The following LRRN4CL variants were observed in gnomAD, a reference collection of about 807,000 sequenced individuals.
LRRN4CL encodes the protein LRRN4 C-terminal like.
For missense variants in LRRN4CL, 348 were observed against 336.4 expected, an observed-to-expected ratio of 1.03 and a Z score of -0.27; for synonymous variants, 156 against 154.1, an observed-to-expected ratio of 1.01 and a Z score of -0.09.
At position 62,687,790 on chromosome 11, in the gene LRRN4CL, T is replaced by C. The variant is rs1945214133; in HGVS notation, c.*2A>G. ...TGTGCCCGAGATGCCCCCAGGCCCC[T>C]TTCAGAGCGCCCCTGCGGCTCGGGC... is the stretch of plus-strand genomic sequence containing the variant. On this transcript the variant is annotated 3_prime_UTR_variant, in exon 2 of 2. Coordinates refer to ENST00000317449, the MANE Select transcript of LRRN4CL (RefSeq NM_203422.4). The C allele has an allele frequency of 7.2e-7, 1 of 1,392,288 alleles. No individual in the cohort carries two copies. Among genetic ancestry groups the C allele is most frequent in the Middle Eastern group, 2.6e-4 (1 of 3,828 alleles). The allele number at this position is 1,392,288 out of a possible 1,614,324, so 86.2% of individuals were successfully genotyped here.
chr11:62,689,097 G>A (rs1945241829), intron 1 of LRRN4CL, among the ~76,000 whole-genome samples: 2 of 152,116 alleles, frequency 1.3e-5, no homozygotes, highest in South Asian at 4.2e-4. Context: ...CTGCTACTCA[G>A]GAGGATCACT....
rs1349034140 is a variant in LRRN4CL at position 62,687,890 on chromosome 11, C to A, written c.619G>T (p.Ala207Ser). 47 of 1,485,976 alleles carry A rather than the reference C, an allele frequency of 3.2e-5. No homozygotes were observed. The highest frequency in any genetic ancestry group is 4.2e-5 in the Non-Finnish European group (47 of 1,120,848). 92.0% of individuals were successfully genotyped at this position (1,485,976 alleles called of 1,614,324 possible). A position where few individuals can be genotyped will look rare whatever the true frequency, so the allele number is the denominator to read the frequency against. The change falls in exon 2 of 2, where the codon GCC (alanine) becomes TCC (serine). Residue 207 changes from alanine (A) to serine (S), a missense_variant. Physicochemically the swap from Ala to Ser is moderately conservative, Grantham distance 99. Transcript: ENST00000317449. The part of the protein sequence containing the change: ...HAAVGVGTAL[A>S]LLSCAALVWH... ...ACCAGGGCGGCACAGCTTAGCAGGG[C>A]CAGGGCCGTGCCCACCCCGACGGCC...
At chr11:62,688,907 G>A (rs186670669) in intron 1 of LRRN4CL, among the ~76,000 whole-genome samples, 2 of 152,236 alleles carry the variant, frequency 1.3e-5, no homozygotes, top group Admixed American at 1.3e-4. Flanking sequence ...CGGGCCCCTA[G>A]GCTGATGCCT....
In LRRN4CL at chr11:62,688,334, G is replaced by T; in HGVS notation, c.175C>A (p.Pro59Thr). ...DYDHCRHLQVPCKELQRVGPA... is the reference protein window; with the variant it reads ...DYDHCRHLQVTCKELQRVGPA... ...CCGACCCTCTGTAGCTCCTTGCAGG[G>T]CACCTGCAGGTGTCGGCAGTGGTCG... Residue 59 changes from proline (P) to threonine (T), a missense_variant, in exon 2 of 2, where the codon CCC becomes ACC. Transcript: ENST00000317449. 1 of 1,609,248 alleles carries T rather than the reference G, an allele frequency of 6.2e-7. No individual in the cohort carries two copies.
chr11:62,688,380 C>T lies in LRRN4CL; in HGVS notation c.129G>A (p.Leu43=), dbSNP rs1377340831. 9 of 1,605,594 alleles carry T rather than the reference C, an allele frequency of 5.6e-6. No individual in the cohort carries two copies. Among genetic ancestry groups the T allele is most frequent in the Non-Finnish European group, 5.9e-6 (7 of 1,179,996 alleles). The stretch of plus-strand genomic sequence containing the variant: ...GGTCGTAGTCGCAGGGGACAGCCGG[C>T]AAAGGCGGCCACGCCGTCTCAGTCT... The part of the protein sequence containing the change: ...ADETETAWPP[L]PAVPCDYDHC... Residue 43 remains leucine, a synonymous_variant, in exon 2 of 2, where the codon TTG becomes TTA. Coordinates refer to ENST00000317449, the MANE Select transcript of LRRN4CL (RefSeq NM_203422.4).
rs1164688366 is a variant in LRRN4CL, at chr11:62,687,119, A to G, written c.*673T>C. 1 of 152,100 alleles carries G rather than the reference A, an allele frequency of 6.6e-6. No individual in the cohort carries two copies. The highest frequency in any genetic ancestry group is 1.5e-5 in the Non-Finnish European group (1 of 68,014). The allele number at this position is 152,100 out of a possible 1,614,324, so 9.4% of individuals were successfully genotyped here. On this transcript the variant is annotated 3_prime_UTR_variant, in exon 2 of 2. Coordinates refer to ENST00000317449, the MANE Select transcript of LRRN4CL (RefSeq NM_203422.4). ...CATGGTGAAACCCCGTCTCTACTAA[A>G]AAAACACAAAAATTAGCCGGGCATG...
Position 62,686,956 on chromosome 11 carries a change from A to G in LRRN4CL, c.*836T>C, listed in dbSNP as rs1057371259. 6.7e-6 allele frequency: 1 copy of G among 150,358 alleles called. No individual in the cohort carries two copies. The highest frequency in any genetic ancestry group is 6.7e-5 in the Admixed American group (1 of 15,026). 9.3% of individuals were successfully genotyped at this position (150,358 alleles called of 1,614,324 possible). A position where few individuals can be genotyped will look rare whatever the true frequency, so the allele number is the denominator to read the frequency against. On this transcript the variant is annotated 3_prime_UTR_variant, in exon 2 of 2. Transcript: ENST00000317449. The stretch of plus-strand genomic sequence containing the variant: ...AGTGCTGGGATTACAGGCGTGAGCC[A>G]CCGCGCCCGGCCGGGTTTTACATCT...
Position 62,688,058 on chromosome 11 carries a change from C to A in LRRN4CL, c.451G>T (p.Val151Phe). The A allele has an allele frequency of 6.2e-7, 1 of 1,612,656 alleles. No individual in the cohort carries two copies. ...GCCTCGTTAGCGGCCACTACGCAAA[C>A]GACATAAATGCCCCCTGGCTTCAGC... The part of the protein sequence containing the change: ...KGLKPGGIYV[V>F]CVVAANEAGA... The change falls in exon 2 of 2, where the codon GTT becomes TTT. Residue 151 changes from valine (V) to phenylalanine (F), a missense_variant. Physicochemically the swap from Val to Phe is conservative, Grantham distance 50 (BLOSUM62 -1). Transcript: ENST00000317449.
Position 62,687,777 on chromosome 11 carries a change from G to A in LRRN4CL, c.*15C>T, listed in dbSNP as rs1030987801. 1 of 1,368,238 alleles carries A rather than the reference G, an allele frequency of 7.3e-7. No homozygotes were observed. The highest frequency in any genetic ancestry group is 1.8e-5 in the South Asian group (1 of 56,272). The allele number at this position is 1,368,238 out of a possible 1,614,324, so 84.8% of individuals were successfully genotyped here. On this transcript the variant is annotated 3_prime_UTR_variant, in exon 2 of 2. Transcript: ENST00000317449. Reference sequence around the variant, plus strand: ...AGGTGGGGCTGTCTGTGCCCGAGATGCCCCCAGGCCCCTTTCAGAGCGCCC... The same window carrying A: ...AGGTGGGGCTGTCTGTGCCCGAGATACCCCCAGGCCCCTTTCAGAGCGCCC...
chr11:62,687,819 G>A lies in LRRN4CL; in HGVS notation c.690C>T (p.Ala230=). Residue 230 remains alanine (A), a synonymous_variant, in exon 2 of 2, where the codon GCC becomes GCT. Coordinates refer to ENST00000317449, the MANE Select transcript of LRRN4CL (RefSeq NM_203422.4). ...LRDRWGCPRR[A]AARAAGAL is the part of the protein sequence containing the mutation. Reference sequence around the variant, plus strand: ...AGAGCGCCCCTGCGGCTCGGGCGGCGGCTCGGCGCGGGCAGCCCCAGCGAT... The same window carrying A: ...AGAGCGCCCCTGCGGCTCGGGCGGCAGCTCGGCGCGGGCAGCCCCAGCGAT... The A allele has an allele frequency of 7.2e-7, 1 of 1,392,642 alleles. No homozygotes were observed. The highest frequency in any genetic ancestry group is 9.2e-7 in the Non-Finnish European group (1 of 1,084,134). 86.3% of individuals were successfully genotyped at this position (1,392,642 alleles called of 1,614,324 possible).
Position 62,688,121 on chromosome 11 carries a change from G to T in LRRN4CL, c.388C>A (p.Pro130Thr), listed in dbSNP as rs534343152. The T allele has an allele frequency of 4.3e-6, 7 of 1,612,478 alleles. No homozygotes were observed. The South Asian group carries it at 5.5e-5, about 13-fold the overall frequency. ...GCTCTGCGGACCGTAGCGTTCAGCG[G>T]GGGCCCCTTCTGCGCAGCCTCGCTG... ...DGSEAAQKGP[P>T]LNATVRRAEL... Residue 130 changes from proline to threonine, a missense_variant, in exon 2 of 2, where the codon CCG (proline) becomes ACG (threonine). Physicochemically the swap from Pro to Thr is conservative, Grantham distance 38. Coordinates refer to ENST00000317449, the MANE Select transcript of LRRN4CL (RefSeq NM_203422.4).
rs151072274 is a variant in LRRN4CL, at chr11:62,687,992, C to A, written c.517G>T (p.Glu173Ter). The A allele has an allele frequency of 1.4e-5, 22 of 1,609,794 alleles. No individual in the cohort carries two copies. The African/African-American group carries it at 2.5e-4, about 19-fold the overall frequency. The part of the protein sequence containing the change: ...RVPQAGGEGL[E>*]GADIPAFGPC... ...CCGAAGGCAGGGATGTCGGCCCCCT[C>A]GAGGCCCTCTCCTCCAGCCTGGGGC... Residue 173 changes from glutamate (E) to a stop codon, truncating the protein, a stop_gained, in exon 2 of 2, where the codon GAG becomes TAG. Transcript: ENST00000317449. LOFTEE classifies it low-confidence loss of function (END_TRUNC).
rs968293851 is a variant in LRRN4CL, at chr11:62,687,502, C to A, written c.*290G>T. On this transcript the variant is annotated 3_prime_UTR_variant, in exon 2 of 2. Coordinates refer to ENST00000317449, the MANE Select transcript of LRRN4CL (RefSeq NM_203422.4). ...ACATAATAATATCCTCCATTTTATCCTCTTAAACCGCAAAGGTTACATTAT... is the reference window on the plus strand; with the variant it reads ...ACATAATAATATCCTCCATTTTATCATCTTAAACCGCAAAGGTTACATTAT... 1.9e-5 allele frequency: 7 copies of A among 371,956 alleles called. No individual in the cohort carries two copies. The highest frequency in any genetic ancestry group is 6.6e-4 in the Middle Eastern group (1 of 1,516). The allele number at this position is 371,956 out of a possible 1,614,324, so 23.0% of individuals were successfully genotyped here. A position where few individuals can be genotyped will look rare whatever the true frequency, so the allele number is the denominator to read the frequency against.
Position 62,687,555 on chromosome 11 carries a change from TGGG to T in LRRN4CL, c.*234_*236del. ...ATTATCTGGCCGCTTAAAAAAAAAT[TGGG>T]GGCCCCTTTCTATTCCTTCCCAGAC... is the stretch of plus-strand genomic sequence containing the variant. On this transcript the variant is annotated 3_prime_UTR_variant, in exon 2 of 2. Coordinates refer to ENST00000317449, the MANE Select transcript of LRRN4CL (RefSeq NM_203422.4). The T allele has an allele frequency of 2.5e-6, 1 of 401,342 alleles. No homozygotes were observed. Among genetic ancestry groups the T allele is most frequent in the Non-Finnish European group, 4.4e-6 (1 of 229,506 alleles). The allele number at this position is 401,342 out of a possible 1,614,324, so 24.9% of individuals were successfully genotyped here.
chr11:62,688,301 C>A lies in LRRN4CL; in HGVS notation c.208G>T (p.Ala70Ser). Residue 70 changes from alanine to serine, a missense_variant, in exon 2 of 2, where the codon GCC (alanine) becomes TCC (serine). Physicochemically the swap from Ala to Ser is moderately conservative, Grantham distance 99. Transcript: ENST00000317449. ...CKELQRVGPA[A>S]CLCPGLSSPA... is the part of the protein sequence containing the mutation. ...CTGGAGAGTCCTGGGCACAGGCAGG[C>A]CGCCGGCCCGACCCTCTGTAGCTCC... The A allele has an allele frequency of 6.2e-7, 1 of 1,608,344 alleles. No individual in the cohort carries two copies. The highest frequency in any genetic ancestry group is 2.2e-5 in the East Asian group (1 of 44,774).
At position 62,687,457 on chromosome 11, in the gene LRRN4CL, C is replaced by A; in HGVS notation, c.*335G>T. The stretch of plus-strand genomic sequence containing the variant: ...TCGTTTTTACATTTTTAAATGGTTA[C>A]AAAGGTCATATAAATACCCACATAA... On this transcript the variant is annotated 3_prime_UTR_variant, in exon 2 of 2. Coordinates refer to ENST00000317449, the MANE Select transcript of LRRN4CL (RefSeq NM_203422.4). The A allele has an allele frequency of 5.7e-5, 15 of 265,364 alleles. No individual in the cohort carries two copies. Among genetic ancestry groups the A allele is most frequent in the East Asian group, 6.4e-5 (1 of 15,600 alleles). The allele number at this position is 265,364 out of a possible 1,614,324, so 16.4% of individuals were successfully genotyped here.
At position 62,688,127 on chromosome 11, in the gene LRRN4CL, C is replaced by T. The variant is rs760408247; in HGVS notation, c.382G>A (p.Gly128Arg). 3 of 1,612,322 alleles carry T rather than the reference C, an allele frequency of 1.9e-6. No homozygotes were observed. In the African/African-American group the frequency reaches 4.0e-5, roughly 22 times the overall value. Residue 128 changes from glycine to arginine, a missense_variant, in exon 2 of 2, where the codon GGG (glycine) becomes AGG (arginine). By Grantham distance (125) the Gly-to-Arg change is moderately radical. Transcript: ENST00000317449. ...CGGACCGTAGCGTTCAGCGGGGGCC[C>T]CTTCTGCGCAGCCTCGCTGCCGTCC... is the stretch of plus-strand genomic sequence containing the variant. ...LWDGSEAAQKGPPLNATVRRA... is the reference protein window; with the variant it reads ...LWDGSEAAQKRPPLNATVRRA...
Position 62,688,472 on chromosome 11 carries a change from C to T in LRRN4CL, c.37G>A (p.Val13Met), listed in dbSNP as rs1278445464. The change falls in exon 2 of 2, where the codon GTG becomes ATG. Residue 13 changes from valine to methionine, a missense_variant. Transcript: ENST00000317449. The stretch of plus-strand genomic sequence containing the variant: ...TGAGCTCTGGGAACCAAGAAGGTCA[C>T]GGCCAGGAGCCACAGAAGGCAGGGA... ...GSPCLLWLLA[V>M]TFLVPRAQPL... The T allele has an allele frequency of 2.5e-6, 4 of 1,598,354 alleles. No homozygotes were observed. Among genetic ancestry groups the T allele is most frequent in the Non-Finnish European group, 2.5e-6 (3 of 1,179,616 alleles).
rs1945210794 is a variant in LRRN4CL, at chr11:62,687,573, C to T, written c.*219G>A. 2.4e-6 allele frequency: 1 copy of T among 410,290 alleles called. No homozygotes were observed. The highest frequency in any genetic ancestry group is 3.6e-5 in the East Asian group (1 of 27,936). 25.4% of individuals were successfully genotyped at this position (410,290 alleles called of 1,614,324 possible). The stretch of plus-strand genomic sequence containing the variant: ...AAAAAATTGGGGGCCCCTTTCTATT[C>T]CTTCCCAGACCTCAGCCAGGAAACA... On this transcript the variant is annotated 3_prime_UTR_variant, in exon 2 of 2. Coordinates refer to ENST00000317449, the MANE Select transcript of LRRN4CL (RefSeq NM_203422.4).
Sources: allele counts gnomAD v4.1 joint callset (sites outside exome capture counted in the v4.1 genomes callset), GRCh38; gene constraint gnomAD v4.1.1; transcripts MANE v1.5; gene names NCBI Gene and HGNC (gene_info 2026-07-23, HGNC 2026-07-21).